The following YES1 variants were observed in gnomAD, a reference collection of about 807,000 sequenced individuals.
YES1 encodes the protein tyrosine-protein kinase Yes.
In YES1, 39 loss-of-function variants were observed where a neutral mutation model predicts 70.4. That is an observed-to-expected ratio of 0.55 (90% CI 0.43 to 0.72). The LOEUF is 0.72. Among genes scored for constraint, YES1 ranks in the 30% least tolerant of loss-of-function variants. The probability of loss-of-function intolerance (pLI) is 0.00; values close to 1 mark genes in which losing one functional copy is unlikely to be tolerated. For synonymous variants in YES1, 198 were observed against 218.6 expected (o/e 0.91, Z 0.83); for missense variants, 495 against 644.8 (o/e 0.77, Z 2.52).
At chr18:742,090 T>A (rs2080222570) in intron 8 of YES1, among the ~76,000 whole-genome samples, 1 of 152,172 alleles carries the variant, frequency 6.6e-6, no homozygotes, top group South Asian at 2.1e-4. Flanking sequence ...AATTAGTGAC[T>A]ACTGTATATT....
chr18:795,092 T>C (rs1341812651), intron 1 of YES1, among the ~76,000 whole-genome samples: 1 of 152,174 alleles, frequency 6.6e-6, no homozygotes, highest in East Asian at 1.9e-4. Flanking sequence ...TATTTCCAAA[T>C]AAGGCCACAT....
At chr18:777,672 TG>T (rs1388829888) in intron 1 of YES1, among the ~76,000 whole-genome samples, 1 of 151,920 alleles carries the variant, frequency 6.6e-6, no homozygotes, top group Admixed American at 6.6e-5. Context: ...CCAGGCATGG[TG>T]GTGTGCGCCT....
chr18:786,621 A>G (rs1173485629), intron 1 of YES1, among the ~76,000 whole-genome samples: 2 of 152,058 alleles, frequency 1.3e-5, no homozygotes. Flanking sequence ...CAGGGTGGCA[A>G]TAACAATTGA....
chr18:803,839 A>C (rs953386855), intron 1 of YES1, among the ~76,000 whole-genome samples: 4 of 152,218 alleles, frequency 2.6e-5, no homozygotes, highest in Non-Finnish European at 5.9e-5. Context: ...AAAAACTGAT[A>C]ATCAGTCAGA....
chr18:751,976 G>C (rs2080349883), intron 2 of YES1, among the ~76,000 whole-genome samples, 172 bp from the exon 3 acceptor site: 1 of 152,004 alleles, frequency 6.6e-6, no homozygotes, highest in African/African-American at 2.4e-5. Flanking sequence ...AGAGAGACAT[G>C]ACCATATTTT....
intron 1 of YES1, among the ~76,000 whole-genome samples, chr18:802,306 G>A: frequency 6.6e-6 from 1 of 152,124 alleles, no homozygotes; most frequent in Non-Finnish European, 1.5e-5. Context: ...GGTGGCTCAT[G>A]CCTGTAATCC....
chr18:734,790 T>A (rs573617633), intron 10 of YES1, among the ~76,000 whole-genome samples: 1 of 152,050 alleles, frequency 6.6e-6, no homozygotes, highest in African/African-American at 2.4e-5. Context: ...GAAAACAGTA[T>A]GGAAACTCCT....
intron 1 of YES1, among the ~76,000 whole-genome samples, chr18:762,658 C>T (rs564681284): frequency 6.6e-6 from 1 of 152,218 alleles, no homozygotes; most frequent in African/African-American, 2.4e-5. Flanking sequence ...CTGGGTACAA[C>T]GTACACTACT....
chr18:802,789 C>T (rs980184359), intron 1 of YES1, among the ~76,000 whole-genome samples: 2 of 151,944 alleles, frequency 1.3e-5, no homozygotes, highest in South Asian at 2.1e-4. Context: ...GTAATAAATA[C>T]CTACCTCAAG....
At chr18:806,021 C>T (rs1017908398) in intron 1 of YES1, among the ~76,000 whole-genome samples, 3 of 152,118 alleles carry the variant, frequency 2.0e-5, no homozygotes, top group Non-Finnish European at 4.4e-5. Flanking sequence ...CTTCCTGTTC[C>T]GTCCTCACCC....
chr18:733,645 A>T (rs960973162), intron 10 of YES1, among the ~76,000 whole-genome samples: 14 of 151,782 alleles, frequency 9.2e-5, no homozygotes, highest in Non-Finnish European at 1.6e-4. Context: ...TAGCTGGGCG[A>T]GGTGGCAGGA....
intron 4 of YES1, among the ~76,000 whole-genome samples, chr18:746,532 T>C (rs144595828): frequency 1.2e-4 from 18 of 152,234 alleles, no homozygotes; most frequent in African/African-American, 4.1e-4. Context: ...GTGTCTGCTA[T>C]GGAAGAGCTC....
At position 724,589 on chromosome 18, in the gene YES1, G is replaced by A. The variant is rs757855393; in HGVS notation, c.1467C>T (p.Tyr489=). 1.2e-5 allele frequency: 19 copies of A among 1,614,084 alleles called. No homozygotes were observed. Among genetic ancestry groups the A allele is most frequent in the Non-Finnish European group, 1.6e-5 (19 of 1,180,010 alleles). Residue 489 remains tyrosine, a synonymous_variant, in exon 12 of 12, where the codon TAC becomes TAT. Transcript: ENST00000314574. ...REVLEQVERG[Y]RMPCPQGCPE... Reference sequence around the variant, plus strand: ...GACAGCCCTGAGGGCACGGCATCCTGTATCCTCGCTCCACTTGTTCTAATA... The same window carrying A: ...GACAGCCCTGAGGGCACGGCATCCTATATCCTCGCTCCACTTGTTCTAATA...
chr18:794,741 T>C (rs1906451783), intron 1 of YES1, among the ~76,000 whole-genome samples: 1 of 152,174 alleles, frequency 6.6e-6, no homozygotes, highest in Non-Finnish European at 1.5e-5. Context: ...TACAGGTGCA[T>C]CCCACCAATT....
At chr18:736,721 ATTC>A in intron 10 of YES1, 84 bp downstream of exon 10, 1 of 1,501,546 alleles carries the variant, frequency 6.7e-7, no homozygotes, top group Non-Finnish European at 8.9e-7. Flanking sequence ...AGCTAAAACA[ATTC>A]TTATTCTGGA....
chr18:771,659 C>T (rs1905163160), intron 1 of YES1, among the ~76,000 whole-genome samples: 1 of 152,046 alleles, frequency 6.6e-6, no homozygotes, highest in African/African-American at 2.4e-5. Context: ...AACTATCCTC[C>T]CACCTCAGCC....
intron 7 of YES1, 23 bp from the exon 8 acceptor site, chr18:743,120 G>C (rs1208435736): frequency 3.9e-6 from 6 of 1,557,728 alleles, no homozygotes; most frequent in Admixed American, 4.2e-5. Flanking sequence ...CACATTTTAG[G>C]AATTTATATT....
At chr18:750,472 T>C (rs1479676553) in intron 3 of YES1, among the ~76,000 whole-genome samples, 2 of 152,184 alleles carry the variant, frequency 1.3e-5, no homozygotes, top group Non-Finnish European at 2.9e-5. Flanking sequence ...TATTTACCAA[T>C]ATCCCTGGCC....
At chr18:759,380 T>C (rs1249609842) in intron 1 of YES1, among the ~76,000 whole-genome samples, 1 of 152,178 alleles carries the variant, frequency 6.6e-6, no homozygotes, top group Non-Finnish European at 1.5e-5. Context: ...CGCAGGAGAA[T>C]TGCTTGAACC....
Sources: gnomAD v4.1 joint callset for allele counts (sites outside exome capture counted in the v4.1 genomes callset) on GRCh38, gnomAD v4.1.1 for gene constraint, MANE v1.5 for transcripts, NCBI Gene and HGNC (gene_info 2026-07-23, HGNC 2026-07-21) for gene names.